The following ALKBH8 variants were observed in gnomAD, a reference collection of about 807,000 sequenced individuals.
ALKBH8 encodes the protein tRNA (carboxymethyluridine(34)-5-O)-methyltransferase ALKBH8.
In ALKBH8, 36 loss-of-function variants were observed where a neutral mutation model predicts 59.8. The observed-to-expected ratio is 0.60, with a 90% CI of 0.46 to 0.79. The LOEUF is 0.79. ALKBH8 is among the 30% of genes least tolerant of loss of function. ALKBH8 has a pLI of 0.00. For missense variants in ALKBH8, 768 were observed against 801.0 expected (o/e 0.96, Z 0.50); for synonymous variants, 276 against 273.6 (o/e 1.01, Z -0.09).
intron 7 of ALKBH8, among the ~76,000 whole-genome samples, chr11:107,537,392 A>T (rs1200429610): frequency 6.6e-6 from 1 of 152,234 alleles, no homozygotes; most frequent in Non-Finnish European, 1.5e-5. Context: ...GAATGAGATC[A>T]TGTCCTTTGC....
At chr11:107,554,806 G>A (rs1864638110) in intron 3 of ALKBH8, among the ~76,000 whole-genome samples, 1 of 152,314 alleles carries the variant, frequency 6.6e-6, no homozygotes, top group South Asian at 2.1e-4. Flanking sequence ...TTCAAATTAT[G>A]TAAGGAAAAC....
Position 107,554,044 on chromosome 11 carries a change from C to A in ALKBH8, c.368-66G>T, listed in dbSNP as rs571472814. The A allele has an allele frequency of 8.9e-6, 14 of 1,566,070 alleles. No individual in the cohort carries two copies. In the Admixed American group the frequency reaches 1.9e-4, roughly 21 times the overall value. ...AAGTTCCTATATACAAATAATTCTGCCCAATAACTCTTTATCAGTTCACAA... is the reference window on the plus strand; with the variant it reads ...AAGTTCCTATATACAAATAATTCTGACCAATAACTCTTTATCAGTTCACAA... On this transcript the variant is annotated intron_variant, in intron 3 of 11. Coordinates refer to ENST00000428149, the MANE Select transcript of ALKBH8 (RefSeq NM_138775.3).
intron 5 of ALKBH8, among the ~76,000 whole-genome samples, chr11:107,552,219 TTTG>T (rs1463110573): frequency 6.6e-6 from 1 of 151,734 alleles, no homozygotes; most frequent in East Asian, 1.9e-4. Context: ...ACTTTCTTTT[TTTG>T]TTATTTTAAA....
chr11:107,512,703 T>C (rs969122542), intron 10 of ALKBH8, among the ~76,000 whole-genome samples: 8 of 152,214 alleles, frequency 5.3e-5, no homozygotes, highest in African/African-American at 1.7e-4. Flanking sequence ...TAAGCAGATT[T>C]AGTCAAACAG....
At chr11:107,509,029 A>G (rs1373241000) in intron 11 of ALKBH8, among the ~76,000 whole-genome samples, 1 of 152,200 alleles carries the variant, frequency 6.6e-6, no homozygotes, top group Non-Finnish European at 1.5e-5. Flanking sequence ...TATATCTAGA[A>G]GCAGAATTGC....
chr11:107,516,787 G>T (rs2135486958), intron 10 of ALKBH8, among the ~76,000 whole-genome samples: 1 of 152,282 alleles, frequency 6.6e-6, no homozygotes, highest in South Asian at 2.1e-4. Context: ...GGGAGACAAA[G>T]GTGGGTGGAT....
chr11:107,543,040 A>T (rs1193734440), intron 7 of ALKBH8, among the ~76,000 whole-genome samples: 1 of 152,218 alleles, frequency 6.6e-6, no homozygotes. Flanking sequence ...GAATCGCTGA[A>T]AACAAAGACA....
chr11:107,527,427 C>T (rs1244407216), intron 8 of ALKBH8, among the ~76,000 whole-genome samples: 2 of 151,850 alleles, frequency 1.3e-5, no homozygotes, highest in East Asian at 3.8e-4. Context: ...AGAGAAACGT[C>T]GACCTAAGAT....
At chr11:107,538,474 G>A (rs1335798299) in intron 7 of ALKBH8, among the ~76,000 whole-genome samples, 1 of 152,168 alleles carries the variant, frequency 6.6e-6, no homozygotes, top group Non-Finnish European at 1.5e-5. Context: ...CTCCACAGGA[G>A]CTTTTTCCAA....
chr11:107,555,259 C>T (rs1565347741), intron 3 of ALKBH8, among the ~76,000 whole-genome samples: 1 of 148,744 alleles, frequency 6.7e-6, no homozygotes. Flanking sequence ...GACTCTGTCT[C>T]AAAAAAAAAT....
At chr11:107,532,200 G>A (rs1467810318) in intron 8 of ALKBH8, 100 bp downstream of exon 8, 1 of 893,328 alleles carries the variant, frequency 1.1e-6, no homozygotes, top group East Asian at 2.7e-5. Context: ...GAACCCAGAA[G>A]CCTCAATCTG....
At chr11:107,555,653 G>T (rs4754232) in intron 3 of ALKBH8, among the ~76,000 whole-genome samples, 6,691 of 152,072 alleles carry the variant, frequency 0.044, 333 homozygotes, top group East Asian at 0.22. Context: ...GTTTTCCTTC[G>T]AGTCTTATTT....
intron 3 of ALKBH8, 25 bp from the exon 4 acceptor site, chr11:107,554,003 T>A (rs754493545): frequency 6.2e-7 from 1 of 1,611,880 alleles, no homozygotes; most frequent in Non-Finnish European, 8.5e-7. Flanking sequence ...ATTAAAATAG[T>A]CACATGCAAA....
intron 6 of ALKBH8, among the ~76,000 whole-genome samples, chr11:107,550,894 T>A (rs763410379): frequency 3.3e-5 from 5 of 152,092 alleles, no homozygotes; most frequent in Admixed American, 6.6e-5. Context: ...AGGAACCCAA[T>A]CAACCAGCAC....
At chr11:107,553,817 C>G in intron 4 of ALKBH8, 30 bp downstream of exon 4, 1 of 1,594,780 alleles carries the variant, frequency 6.3e-7, no homozygotes, top group Non-Finnish European at 8.5e-7. Flanking sequence ...CAGAAACTTT[C>G]AAATATCAGA....
chr11:107,546,617 T>C (rs1864267931), intron 7 of ALKBH8, among the ~76,000 whole-genome samples: 1 of 152,208 alleles, frequency 6.6e-6, no homozygotes, highest in Admixed American at 6.5e-5. Flanking sequence ...CCAGCCTTCC[T>C]TGAGATATCT....
At chr11:107,552,193 T>C (rs1039318729) in intron 5 of ALKBH8, among the ~76,000 whole-genome samples, 2 of 151,812 alleles carry the variant, frequency 1.3e-5, no homozygotes, top group African/African-American at 4.8e-5. Context: ...AAATATACTA[T>C]ATATTGAAAT....
chr11:107,537,448 A>T (rs1863865844), intron 7 of ALKBH8, among the ~76,000 whole-genome samples: 1 of 152,172 alleles, frequency 6.6e-6, no homozygotes, highest in Non-Finnish European at 1.5e-5. Flanking sequence ...GCAAACTAGC[A>T]CAGGAACAGA....
At chr11:107,534,256 C>T (rs1029832001) in intron 7 of ALKBH8, among the ~76,000 whole-genome samples, 1 of 152,110 alleles carries the variant, frequency 6.6e-6, no homozygotes, top group Admixed American at 6.5e-5. Flanking sequence ...AGCCAAGGCC[C>T]ACACCTCGAA....
Sources: gnomAD v4.1 joint callset for allele counts (sites outside exome capture counted in the v4.1 genomes callset) on GRCh38, gnomAD v4.1.1 for gene constraint, MANE v1.5 for transcripts, NCBI Gene and HGNC (gene_info 2026-07-23, HGNC 2026-07-21) for gene names.